Variants in TSTD2 observed in about 807,000 individuals in gnomAD.
TSTD2 encodes the protein thiosulfate sulfurtransferase/rhodanese-like domain-containing protein 2.
Under a neutral mutation model 47.9 loss-of-function variants are expected in TSTD2, and 37 were observed. The ratio of observed to expected loss-of-function variants is 0.77; its 90% CI spans 0.59 to 1.02. TSTD2 has a LOEUF of 1.02. Ranked by LOEUF, TSTD2 falls within the 50% of genes least tolerant of loss-of-function variation. TSTD2 has a pLI of 0.00. For missense variants in TSTD2, 586 were observed against 616.0 expected (o/e 0.95, Z 0.52); for synonymous variants, 201 against 215.9 (o/e 0.93, Z 0.61).
chr9:97,629,799 G>T (rs1826780787), intron 1 of TSTD2, among the ~76,000 whole-genome samples: 1 of 151,982 alleles, frequency 6.6e-6, no homozygotes, highest in South Asian at 2.1e-4. Flanking sequence ...GGGTCTTCTA[G>T]GTTCCAGGCA....
intron 3 of TSTD2, among the ~76,000 whole-genome samples, chr9:97,622,393 CTGGATGCCCAGGCAGAAGTT>C (rs1330407464): frequency 6.6e-6 from 1 of 152,252 alleles, no homozygotes; most frequent in African/African-American, 2.4e-5. Flanking sequence ...ATGGAAACAC[CTGGATGCCCAGGCAGAAGTT>C]TGCTGCAGGG....
Position 97,606,238 on chromosome 9 carries a change from A to G in TSTD2, c.859T>C (p.Phe287Leu), listed in dbSNP as rs1826362743. The G allele has an allele frequency of 6.2e-7, 1 of 1,608,496 alleles. No homozygotes were observed. ...KPGIHLSPGE[F>L]HKEVEKFLSQ... is the part of the protein sequence containing the mutation. ...AAAAACTTTTCTACTTCTTTATGAAATTCACCTGGGGATAAATGGATTCCT... is the reference window on the plus strand; with the variant it reads ...AAAAACTTTTCTACTTCTTTATGAAGTTCACCTGGGGATAAATGGATTCCT... The change falls in exon 7 of 10, where the codon TTT (phenylalanine) becomes CTT (leucine). Residue 287 changes from phenylalanine (F) to leucine (L), a missense_variant. By Grantham distance (22) the Phe-to-Leu change is conservative (BLOSUM62 0). Transcript: ENST00000341170.
chr9:97,604,046 T>C (rs1017291072), intron 9 of TSTD2: 1 of 152,242 alleles, frequency 6.6e-6, no homozygotes, highest in Admixed American at 6.5e-5. Context: ...AAACCAACTA[T>C]ACAGAAATAC....
chr9:97,628,205 T>C (rs1826754043), intron 1 of TSTD2, among the ~76,000 whole-genome samples: 1 of 152,196 alleles, frequency 6.6e-6, no homozygotes. Flanking sequence ...ACAGCCCCAC[T>C]GTAATATGCC....
intron 6 of TSTD2, among the ~76,000 whole-genome samples, chr9:97,607,642 C>T (rs1408305179): frequency 6.6e-6 from 1 of 152,232 alleles, no homozygotes; most frequent in African/African-American, 2.4e-5. Flanking sequence ...GTGGCTCACA[C>T]CTATAATCCT....
Position 97,627,557 on chromosome 9 carries a change from A to G in TSTD2, c.6T>C (p.Pro2=), listed in dbSNP as rs1295728884. ...CTCCTTGGTCTGGTGAAGTGGAAGA[A>G]GGCATCTGGTTTGGTTGCAACAGTG... is the stretch of plus-strand genomic sequence containing the variant. The part of the protein sequence containing the change: M[P]SSTSPDQGDD... Residue 2 remains proline, a synonymous_variant, in exon 2 of 10, where the codon CCT becomes CCC. Coordinates refer to ENST00000341170, the MANE Select transcript of TSTD2 (RefSeq NM_139246.5). 6.2e-7 allele frequency: 1 copy of G among 1,605,794 alleles called. No individual in the cohort carries two copies. The highest frequency in any genetic ancestry group is 8.5e-7 in the Non-Finnish European group (1 of 1,174,624).
At chr9:97,605,267 GTC>G (rs1173376632) in intron 8 of TSTD2, among the ~76,000 whole-genome samples, 5 of 152,234 alleles carry the variant, frequency 3.3e-5, no homozygotes, top group Admixed American at 2.0e-4. Context: ...CATCTGATGA[GTC>G]TCTATGACTG....
In TSTD2 at chr9:97,605,672, A is replaced by G. The variant is rs567050260; in HGVS notation, c.955-31T>C. The G allele has an allele frequency of 3.7e-6, 6 of 1,613,906 alleles. No homozygotes were observed. The African/African-American group carries it at 8.0e-5, about 22-fold the overall frequency. The stretch of plus-strand genomic sequence containing the variant: ...ACATAGGAGCAACAAAAGGAAAATT[A>G]TCAGAAAAACATACCTGGTAGGAAC... On this transcript the variant is annotated intron_variant, in intron 7 of 9. Coordinates refer to ENST00000341170, the MANE Select transcript of TSTD2 (RefSeq NM_139246.5).
intron 1 of TSTD2, among the ~76,000 whole-genome samples, 153 bp downstream of exon 1, chr9:97,633,090 C>G (rs1212373215): frequency 6.6e-6 from 1 of 152,256 alleles, no homozygotes; most frequent in Non-Finnish European, 1.5e-5. Context: ...GCCGCACGCT[C>G]GCGTCAGGGC....
In TSTD2 at chr9:97,601,251, T is replaced by C. The variant is rs931189578; in HGVS notation, c.*1218A>G. Reference sequence around the variant, plus strand: ...ATATAATATTAAATCTGTTGGTCTATGCATGGCTGCGTATGTGTTTCTTGG... The same window carrying C: ...ATATAATATTAAATCTGTTGGTCTACGCATGGCTGCGTATGTGTTTCTTGG... On this transcript the variant is annotated 3_prime_UTR_variant, in exon 10 of 10. Coordinates refer to ENST00000341170, the MANE Select transcript of TSTD2 (RefSeq NM_139246.5). 5 of 1,228,328 alleles carry C rather than the reference T, an allele frequency of 4.1e-6. No individual in the cohort carries two copies. The African/African-American group carries it at 4.7e-5, about 12-fold the overall frequency. The allele number at this position is 1,228,328 out of a possible 1,614,324, so 76.1% of individuals were successfully genotyped here. A position where few individuals can be genotyped will look rare whatever the true frequency, so the allele number is the denominator to read the frequency against.
chr9:97,600,751 C>T lies in TSTD2; in HGVS notation c.*1718G>A, dbSNP rs1255061693. The T allele has an allele frequency of 2.2e-5, 22 of 1,006,536 alleles. No individual in the cohort carries two copies. Among genetic ancestry groups the T allele is most frequent in the Non-Finnish European group, 2.6e-5 (22 of 842,728 alleles). 62.4% of individuals were successfully genotyped at this position (1,006,536 alleles called of 1,614,324 possible). On this transcript the variant is annotated 3_prime_UTR_variant, in exon 10 of 10. Coordinates refer to ENST00000341170, the MANE Select transcript of TSTD2 (RefSeq NM_139246.5). Reference sequence around the variant, plus strand: ...TCCAGATATCAAGGAATTGGGAAATCCTGGCCAAACCACCCCAAGATGATT... The same window carrying T: ...TCCAGATATCAAGGAATTGGGAAATTCTGGCCAAACCACCCCAAGATGATT...
At chr9:97,619,050 C>G (rs1391193057) in intron 3 of TSTD2, among the ~76,000 whole-genome samples, 1 of 152,122 alleles carries the variant, frequency 6.6e-6, no homozygotes, top group Admixed American at 6.6e-5. Context: ...ATGGAAGGGC[C>G]ATATCTGTAT....
intron 3 of TSTD2, among the ~76,000 whole-genome samples, 173 bp downstream of exon 3, chr9:97,625,508 A>G (rs1426709982): frequency 6.6e-6 from 1 of 152,236 alleles, no homozygotes; most frequent in East Asian, 1.9e-4. Context: ...TGGTTGTGCC[A>G]TATTACATTC....
chr9:97,632,061 A>C (rs1344772170), intron 1 of TSTD2, among the ~76,000 whole-genome samples: 5 of 145,902 alleles, frequency 3.4e-5, no homozygotes, highest in African/African-American at 1.4e-4. Context: ...CTACATCCTC[A>C]GCATTCAGAA....
At position 97,602,487 on chromosome 9, in the gene TSTD2, A is replaced by G. The variant is rs748382000; in HGVS notation, c.1533T>C (p.Asp511=). 1 of 1,611,670 alleles carries G rather than the reference A, an allele frequency of 6.2e-7. No individual in the cohort carries two copies. ...GTGCTGCTCACATAAGCACTGGCCC[A>G]TCCTCATCAGCATCAGGCCCTGGCT... is the stretch of plus-strand genomic sequence containing the variant. ...SPEPGPDADE[D]GPVLM The change falls in exon 10 of 10, where the codon GAT becomes GAC. Residue 511 remains aspartate, a synonymous_variant. Coordinates refer to ENST00000341170, the MANE Select transcript of TSTD2 (RefSeq NM_139246.5).
chr9:97,620,692 A>G (rs1038680717), intron 3 of TSTD2, among the ~76,000 whole-genome samples: 3 of 151,956 alleles, frequency 2.0e-5, no homozygotes, highest in African/African-American at 7.3e-5. Context: ...AGCAAAGGTG[A>G]CTCTTGTTAT....
In TSTD2 at chr9:97,600,220, A is replaced by G; in HGVS notation, c.*2249T>C. On this transcript the variant is annotated 3_prime_UTR_variant, in exon 10 of 10. Transcript: ENST00000341170. ...TTGCCAAATTGATTACTGGATCCAGAACACAATTTTCCCCTCAGAACAGAT... is the reference window on the plus strand; with the variant it reads ...TTGCCAAATTGATTACTGGATCCAGGACACAATTTTCCCCTCAGAACAGAT... The G allele has an allele frequency of 1.0e-6, 1 of 994,096 alleles. No homozygotes were observed. The highest frequency in any genetic ancestry group is 1.2e-6 in the Non-Finnish European group (1 of 834,272). 61.6% of individuals were successfully genotyped at this position (994,096 alleles called of 1,614,324 possible).
intron 3 of TSTD2, among the ~76,000 whole-genome samples, chr9:97,622,953 T>A (rs1043234417): frequency 1.1e-4 from 16 of 152,240 alleles, no homozygotes; most frequent in Non-Finnish European, 1.6e-4. Flanking sequence ...CATTTCAGAC[T>A]GTGGACTTTT....
At chr9:97,617,436 C>A (rs1312527524) in intron 4 of TSTD2, among the ~76,000 whole-genome samples, 1 of 152,222 alleles carries the variant, frequency 6.6e-6, no homozygotes, top group Non-Finnish European at 1.5e-5. Context: ...TCAAACACAG[C>A]CATCCAATTC....
Sources: allele counts gnomAD v4.1 joint callset (sites outside exome capture counted in the v4.1 genomes callset), GRCh38; gene constraint gnomAD v4.1.1; transcripts MANE v1.5; gene names NCBI Gene and HGNC (gene_info 2026-07-23, HGNC 2026-07-21).